The following STARD13 variants were observed in gnomAD, a reference collection of about 807,000 sequenced individuals.
STARD13 encodes the protein StAR related lipid transfer domain containing 13.
A neutral mutation model predicts 106.4 loss-of-function variants in STARD13; 62 were observed. The observed-to-expected ratio is 0.58, with a 90% CI of 0.48 to 0.72. The LOEUF is 0.72. Ranked by LOEUF, STARD13 falls within the 30% of genes least tolerant of loss-of-function variation. The pLI is 0.00. For synonymous variants in STARD13, 565 were observed against 553.0 expected (o/e 1.02, Z -0.31); for missense variants, 1,387 against 1,424.0 (o/e 0.97, Z 0.42).
chr13:33,543,104 C>T, the STARD13 span, among the ~76,000 whole-genome samples: 2 of 152,138 alleles, frequency 1.3e-5, no homozygotes, highest in African/African-American at 4.8e-5. Context: ...TTATTTTTTG[C>T]TTCCTTATGC....
intron 3 of STARD13, among the ~76,000 whole-genome samples, chr13:33,145,056 C>G (rs1450626530): frequency 6.6e-6 from 1 of 152,136 alleles, no homozygotes. Flanking sequence ...CCTTTTATTG[C>G]CCCTAAACTC....
Position 33,142,300 on chromosome 13 carries a change from G to A in STARD13, c.387+10C>T, listed in dbSNP as rs1212697694. The A allele has an allele frequency of 5.6e-6, 9 of 1,610,276 alleles. No individual in the cohort carries two copies. Among genetic ancestry groups the A allele is most frequent in the African/African-American group, 1.3e-5 (1 of 74,802 alleles). ...CATAGCCACATTCTTATTAAGGTGT[G>A]GGCACCTACCTTTTTCCTTTGGAAG... On this transcript the variant is annotated intron_variant, in intron 4 of 13. Coordinates refer to ENST00000336934, the MANE Select transcript of STARD13 (RefSeq NM_178006.4).
the STARD13 span, among the ~76,000 whole-genome samples, chr13:33,446,986 C>A: frequency 6.6e-6 from 1 of 152,144 alleles, no homozygotes; most frequent in East Asian, 1.9e-4. Context: ...CTTGTTCTCT[C>A]TCTTTCTGTG....
chr13:33,165,288 G>T (rs779803888), intron 3 of STARD13, 49 bp downstream of exon 3: 4 of 1,382,822 alleles, frequency 2.9e-6, no homozygotes, highest in Non-Finnish European at 4.1e-6. Context: ...AGTGATGCCT[G>T]TTGCAGACTG....
chr13:33,499,816 G>A, the STARD13 span, among the ~76,000 whole-genome samples: 1 of 128,284 alleles, frequency 7.8e-6, no homozygotes, highest in African/African-American at 3.0e-5. Context: ...CCAGGCTACA[G>A]TGCAGTAGCA....
the STARD13 span, among the ~76,000 whole-genome samples, chr13:33,425,121 A>C: frequency 6.6e-6 from 1 of 152,244 alleles, no homozygotes; most frequent in Non-Finnish European, 1.5e-5. Context: ...CACTTTATGC[A>C]AGAGCTTAGT....
At chr13:33,496,475 A>G in the STARD13 span, among the ~76,000 whole-genome samples, 1 of 151,928 alleles carries the variant, frequency 6.6e-6, no homozygotes, top group African/African-American at 2.4e-5. Flanking sequence ...TCATGGTATC[A>G]TTTTTAATAT....
At chr13:33,602,565 C>T in the STARD13 span, among the ~76,000 whole-genome samples, 1 of 152,152 alleles carries the variant, frequency 6.6e-6, no homozygotes, top group South Asian at 2.1e-4. Flanking sequence ...AATTTAAGGA[C>T]AGCAGTTGAG....
At chr13:33,141,734 C>T (rs934337269) in intron 4 of STARD13, among the ~76,000 whole-genome samples, 1 of 152,104 alleles carries the variant, frequency 6.6e-6, no homozygotes, top group Non-Finnish European at 1.5e-5. Flanking sequence ...AGAAGTCACT[C>T]GCCATGGACC....
chr13:33,379,647 G>A, the STARD13 span, among the ~76,000 whole-genome samples: 2 of 152,186 alleles, frequency 1.3e-5, no homozygotes, highest in African/African-American at 4.8e-5. Context: ...ATATAGATAA[G>A]TTTAATCTTC....
the STARD13 span, among the ~76,000 whole-genome samples, chr13:33,531,073 T>C: frequency 6.6e-6 from 1 of 152,128 alleles, no homozygotes; most frequent in Admixed American, 6.5e-5. Flanking sequence ...GTCTTTCCTG[T>C]GCTATTCCTG....
chr13:33,449,931 T>G, the STARD13 span, among the ~76,000 whole-genome samples: 1 of 152,222 alleles, frequency 6.6e-6, no homozygotes, highest in Non-Finnish European at 1.5e-5. Flanking sequence ...TATGTTGATT[T>G]TGTATCTTGC....
At chr13:33,574,901 T>C in the STARD13 span, among the ~76,000 whole-genome samples, 1 of 151,530 alleles carries the variant, frequency 6.6e-6, no homozygotes, top group Non-Finnish European at 1.5e-5. Context: ...ACAGTGATGT[T>C]ATATGCATCT....
At chr13:33,320,100 AC>A (rs1566137308) in intron 1 of STARD13, among the ~76,000 whole-genome samples, 1 of 152,244 alleles carries the variant, frequency 6.6e-6, no homozygotes. Flanking sequence ...AAGGATGAAA[AC>A]AAAGCAAAGG....
the STARD13 span, among the ~76,000 whole-genome samples, chr13:33,358,228 T>C: frequency 6.6e-6 from 1 of 152,200 alleles, no homozygotes; most frequent in South Asian, 2.1e-4. Flanking sequence ...GGGGCAGGGC[T>C]CGGGACATGC....
chr13:33,271,119 G>T (rs1891139171), intron 1 of STARD13, among the ~76,000 whole-genome samples: 1 of 152,170 alleles, frequency 6.6e-6, no homozygotes, highest in Non-Finnish European at 1.5e-5. Flanking sequence ...ACTGGCTACT[G>T]TTCACTAGCT....
chr13:33,158,232 A>G (rs751039460), intron 3 of STARD13, among the ~76,000 whole-genome samples: 11 of 152,218 alleles, frequency 7.2e-5, no homozygotes, highest in African/African-American at 2.7e-4. Flanking sequence ...CTACACATTT[A>G]CATATTCAGA....
At chr13:33,216,469 A>G (rs1888048139) in intron 1 of STARD13, among the ~76,000 whole-genome samples, 1 of 152,186 alleles carries the variant, frequency 6.6e-6, no homozygotes, top group East Asian at 1.9e-4. Flanking sequence ...AGGAATGGAA[A>G]ACCAAACATC....
intron 1 of STARD13, among the ~76,000 whole-genome samples, chr13:33,213,198 G>A (rs115604631): frequency 1.5e-3 from 232 of 152,146 alleles, no homozygotes; most frequent in Middle Eastern, 3.4e-3. Flanking sequence ...TGAAAATGTC[G>A]GCAATGCCTT....
Sources: gnomAD v4.1 joint callset for allele counts (sites outside exome capture counted in the v4.1 genomes callset) on GRCh38, gnomAD v4.1.1 for gene constraint, MANE v1.5 for transcripts, NCBI Gene and HGNC (gene_info 2026-07-23, HGNC 2026-07-21) for gene names.